Variants in PRKCA observed in about 807,000 individuals in gnomAD.
PRKCA encodes the protein protein kinase C alpha type.
PRKCA carries 27 observed loss-of-function variants against 87.0 expected under a neutral mutation model. The ratio of observed to expected loss-of-function variants is 0.31; its 90% confidence interval spans 0.23 to 0.43. PRKCA has a LOEUF of 0.43. Among genes scored for constraint, PRKCA ranks in the 20% least tolerant of loss-of-function variants. The pLI is 1.00. For synonymous variants in PRKCA, 329 were observed against 311.1 expected (o/e 1.06, Z -0.61); for missense variants, 518 against 852.3 (o/e 0.61, Z 4.88).
intron 15 of PRKCA, among the ~76,000 whole-genome samples, chr17:66,787,534 T>A (rs1472671780): frequency 6.6e-6 from 1 of 152,244 alleles, no homozygotes; most frequent in Non-Finnish European, 1.5e-5. Flanking sequence ...TGTGACTTAG[T>A]TCTTTCTTTG....
intron 3 of PRKCA, among the ~76,000 whole-genome samples, chr17:66,615,019 T>C (rs1300124245): frequency 6.6e-6 from 1 of 152,166 alleles, no homozygotes; most frequent in Non-Finnish European, 1.5e-5. Context: ...ACCAGGCTTC[T>C]GTGTCTCTGT....
chr17:66,462,798 C>A (rs935834644), intron 2 of PRKCA, among the ~76,000 whole-genome samples: 1 of 152,138 alleles, frequency 6.6e-6, no homozygotes, highest in Non-Finnish European at 1.5e-5. Flanking sequence ...GAAATGTCCT[C>A]CTGCAGAGAA....
intron 8 of PRKCA, among the ~76,000 whole-genome samples, chr17:66,711,123 G>A (rs990425410): frequency 3.3e-5 from 5 of 152,104 alleles, no homozygotes; most frequent in African/African-American, 1.2e-4. Context: ...AGTGATTAAA[G>A]TTCAAGTCTG....
intron 3 of PRKCA, among the ~76,000 whole-genome samples, chr17:66,563,547 A>G (rs563643422): frequency 1.8e-4 from 28 of 152,336 alleles, no homozygotes; most frequent in African/African-American, 6.5e-4. Context: ...ATCTGGGTAT[A>G]CCATGGTTTA....
chr17:66,717,402 G>A (rs1973505398), intron 8 of PRKCA, among the ~76,000 whole-genome samples: 1 of 152,230 alleles, frequency 6.6e-6, no homozygotes, highest in Non-Finnish European at 1.5e-5. Context: ...CCTCGATGTA[G>A]GAGGAAGAGC....
chr17:66,347,299 C>T (rs763181931), intron 2 of PRKCA, among the ~76,000 whole-genome samples: 2 of 152,138 alleles, frequency 1.3e-5, no homozygotes, highest in Non-Finnish European at 2.9e-5. Flanking sequence ...GTTGGACTCT[C>T]AGCTGCTTCT....
intron 2 of PRKCA, among the ~76,000 whole-genome samples, chr17:66,471,204 T>C (rs1303257104): frequency 6.6e-6 from 1 of 152,216 alleles, no homozygotes; most frequent in Non-Finnish European, 1.5e-5. Flanking sequence ...GAGCAAAGTT[T>C]ATTTTATGTT....
At chr17:66,353,154 C>T in intron 2 of PRKCA, among the ~76,000 whole-genome samples, 1 of 152,114 alleles carries the variant, frequency 6.6e-6, no homozygotes, top group East Asian at 1.9e-4. Flanking sequence ...AATAAAGTCC[C>T]CTGGTTAAAG....
chr17:66,794,555 T>C (rs1351580343), intron 16 of PRKCA, among the ~76,000 whole-genome samples: 8 of 151,904 alleles, frequency 5.3e-5, no homozygotes, highest in African/African-American at 1.9e-4. Context: ...TTACCCAGGT[T>C]CCCTAAATGT....
In PRKCA at chr17:66,396,215, C is replaced by T. The variant is rs201210218; in HGVS notation, c.205+90088C>T. Among the ~76,000 whole-genome samples the T allele has an allele frequency of 2.2e-4, 33 of 152,248 alleles. No individual in the cohort carries two copies. In the East Asian group the frequency reaches 3.9e-3, roughly 18 times the overall value. The stretch of plus-strand genomic sequence containing the variant: ...TTCCATCTGAGTTTTTCAGGTTCAG[C>T]TGCAAATGCAGGAGTTGGTTTAGAG... On this transcript the variant is annotated intron_variant, in intron 2 of 16. Coordinates refer to ENST00000413366, the MANE Select transcript of PRKCA (RefSeq NM_002737.3).
intron 3 of PRKCA, among the ~76,000 whole-genome samples, chr17:66,514,408 T>C (rs2361485): frequency 0.49 from 74,896 of 151,534 alleles, 18,827 homozygotes; most frequent in East Asian, 0.75. Context: ...GATGAGAAAG[T>C]TGTCTGTTGC....
chr17:66,439,573 C>T (rs546319534), intron 2 of PRKCA, among the ~76,000 whole-genome samples: 10 of 152,332 alleles, frequency 6.6e-5, no homozygotes, highest in South Asian at 2.1e-4. Context: ...TTCCAAAATA[C>T]GTGTCTCTCA....
chr17:66,557,124 G>C (rs973679913), intron 3 of PRKCA, among the ~76,000 whole-genome samples: 3 of 152,128 alleles, frequency 2.0e-5, no homozygotes, highest in African/African-American at 7.2e-5. Flanking sequence ...GTTGGAAATG[G>C]AATGATAGGT....
chr17:66,335,094 G>T (rs1329509610), intron 2 of PRKCA, among the ~76,000 whole-genome samples: 1 of 152,080 alleles, frequency 6.6e-6, no homozygotes, highest in Non-Finnish European at 1.5e-5. Flanking sequence ...ATGGTAGTGG[G>T]CTAGGGGTAG....
intron 2 of PRKCA, among the ~76,000 whole-genome samples, chr17:66,441,626 C>T (rs568926790): frequency 8.3e-4 from 126 of 152,324 alleles, no homozygotes; most frequent in Non-Finnish European, 1.5e-3. Context: ...CTGTGCACCT[C>T]CTCTGAGTGG....
intron 2 of PRKCA, among the ~76,000 whole-genome samples, chr17:66,466,886 AGACTT>A (rs1915110496): frequency 6.6e-6 from 1 of 151,930 alleles, no homozygotes; most frequent in Non-Finnish European, 1.5e-5. Flanking sequence ...AAAAAAAAAA[AGACTT>A]AAATTACTCA....
chr17:66,350,016 G>A (rs1487940594), intron 2 of PRKCA, among the ~76,000 whole-genome samples: 1 of 151,998 alleles, frequency 6.6e-6, no homozygotes, highest in Admixed American at 6.6e-5. Flanking sequence ...GAGAGAGGGG[G>A]CAGCTGAGCA....
chr17:66,553,016 C>G (rs983031584), intron 3 of PRKCA, among the ~76,000 whole-genome samples: 1 of 150,880 alleles, frequency 6.6e-6, no homozygotes, highest in Non-Finnish European at 1.5e-5. Flanking sequence ...GAGTCTCACT[C>G]TGTTGCTGGT....
chr17:66,483,484 G>A (rs1034028734), intron 2 of PRKCA, among the ~76,000 whole-genome samples: 11 of 84,040 alleles, frequency 1.3e-4, no homozygotes, highest in African/African-American at 3.8e-4. Context: ...TTATTTTTTC[G>A]AGACAGAGTC....
Sources: allele counts gnomAD v4.1 joint callset (sites outside exome capture counted in the v4.1 genomes callset), GRCh38; gene constraint gnomAD v4.1.1; transcripts MANE v1.5; gene names NCBI Gene and HGNC (gene_info 2026-07-23, HGNC 2026-07-21).